ENOX1: variants seen among roughly 807,000 people sequenced by gnomAD.
ENOX1 encodes the protein ecto-NOX disulfide-thiol exchanger 1.
Under a neutral mutation model 82.5 loss-of-function variants are expected in ENOX1, and 42 were observed. That is an observed-to-expected ratio of 0.51 (90% CI 0.40 to 0.66). ENOX1 has a LOEUF of 0.66. Ranked by LOEUF, ENOX1 falls within the 30% of genes least tolerant of loss-of-function variation. The probability of loss-of-function intolerance (pLI) is 0.00; values close to 1 mark genes in which losing one functional copy is unlikely to be tolerated. For missense variants in ENOX1, 608 were observed against 811.6 expected (o/e 0.75, Z 3.05); for synonymous variants, 271 against 282.2 (o/e 0.96, Z 0.40).
intron 1 of ENOX1, among the ~76,000 whole-genome samples, chr13:43,734,710 T>C (rs779060399): frequency 6.6e-6 from 1 of 152,148 alleles, no homozygotes; most frequent in East Asian, 1.9e-4. Flanking sequence ...AATCACAGCA[T>C]GCACCACTAG....
intron 2 of ENOX1, among the ~76,000 whole-genome samples, chr13:43,542,017 G>A (rs1171445440): frequency 1.3e-5 from 2 of 152,180 alleles, no homozygotes; most frequent in African/African-American, 4.8e-5. Flanking sequence ...GGGGGTTCCA[G>A]AAAATCCCCT....
chr13:43,328,728 A>T (rs2048258214), intron 9 of ENOX1, among the ~76,000 whole-genome samples: 1 of 152,178 alleles, frequency 6.6e-6, no homozygotes, highest in South Asian at 2.1e-4. Flanking sequence ...CCTAATATCT[A>T]CTCAAGCCAT....
At chr13:43,384,738 T>G (rs1001818012) in intron 5 of ENOX1, among the ~76,000 whole-genome samples, 1 of 152,174 alleles carries the variant, frequency 6.6e-6, no homozygotes, top group African/African-American at 2.4e-5. Context: ...TTGAAACTAT[T>G]AAAAGAATAG....
chr13:43,766,398 G>T (rs955051691), intron 1 of ENOX1, among the ~76,000 whole-genome samples: 2 of 152,176 alleles, frequency 1.3e-5, no homozygotes, highest in South Asian at 4.1e-4. Flanking sequence ...GAGAGAGAAA[G>T]AATTATCTTA....
chr13:43,417,466 T>C (rs941512029), intron 3 of ENOX1, among the ~76,000 whole-genome samples: 2 of 152,232 alleles, frequency 1.3e-5, no homozygotes, highest in Non-Finnish European at 2.9e-5. Flanking sequence ...TACCAACTAG[T>C]AATTTATGAA....
At chr13:43,510,561 G>A (rs1420017323) in intron 2 of ENOX1, among the ~76,000 whole-genome samples, 1 of 152,034 alleles carries the variant, frequency 6.6e-6, no homozygotes, top group Non-Finnish European at 1.5e-5. Context: ...ATTCCTGTTG[G>A]GGCCCGCTCC....
intron 2 of ENOX1, among the ~76,000 whole-genome samples, chr13:43,510,566 C>T (rs923586565): frequency 2.6e-5 from 4 of 151,990 alleles, no homozygotes; most frequent in East Asian, 1.9e-4. Flanking sequence ...TGTTGGGGCC[C>T]GCTCCTAAAG....
chr13:43,456,707 T>C (rs56098302), intron 3 of ENOX1, among the ~76,000 whole-genome samples: 143 of 152,296 alleles, frequency 9.4e-4, no homozygotes, highest in Non-Finnish European at 1.7e-3. Context: ...TCTGATTCAA[T>C]GTAGCCTAAG....
rs1196892546 is a variant in ENOX1 at position 43,417,556 on chromosome 13, C to A, written c.-74-4568G>T. ...CCTGCCTCTTTAAATGATTCAAGAC[C>A]ATAATGCCTAATTTATCATTCACAT... On this transcript the variant is annotated intron_variant, in intron 3 of 16. Transcript: ENST00000690772. Among the ~76,000 whole-genome samples, 5 of 152,144 alleles carry A rather than the reference C, an allele frequency of 3.3e-5. No homozygotes were observed. In the East Asian group the frequency reaches 9.6e-4, roughly 29 times the overall value.
At chr13:43,215,847 T>G (rs1343007648) in intron 16 of ENOX1, among the ~76,000 whole-genome samples, 1 of 152,194 alleles carries the variant, frequency 6.6e-6, no homozygotes, top group Non-Finnish European at 1.5e-5. Context: ...GCCCACATAA[T>G]CTATTTTTAA....
chr13:43,333,004 A>G (rs777846037), intron 9 of ENOX1, among the ~76,000 whole-genome samples: 1 of 152,138 alleles, frequency 6.6e-6, no homozygotes, highest in Non-Finnish European at 1.5e-5. Context: ...AACAGTGTGT[A>G]TTTTTCTATG....
intron 10 of ENOX1, among the ~76,000 whole-genome samples, chr13:43,324,230 C>A (rs895078629): frequency 2.0e-5 from 3 of 152,036 alleles, no homozygotes; most frequent in African/African-American, 7.3e-5. Context: ...ACACTTGAAA[C>A]AAGGAAAAGT....
intron 3 of ENOX1, among the ~76,000 whole-genome samples, chr13:43,427,091 T>A (rs1437376746): frequency 6.6e-6 from 1 of 152,182 alleles, no homozygotes; most frequent in Non-Finnish European, 1.5e-5. Context: ...AATATCAATA[T>A]ACACTAGAGA....
At chr13:43,602,394 G>A (rs2081764595) in intron 2 of ENOX1, among the ~76,000 whole-genome samples, 1 of 151,922 alleles carries the variant, frequency 6.6e-6, no homozygotes, top group Non-Finnish European at 1.5e-5. Flanking sequence ...AAAATGGATG[G>A]CAAATATATG....
chr13:43,416,168 A>T (rs376505127), intron 3 of ENOX1, among the ~76,000 whole-genome samples: 1 of 71,426 alleles, frequency 1.4e-5, no homozygotes, highest in East Asian at 4.6e-4. Flanking sequence ...CAGATGGGGC[A>T]GCCGGACAGA....
At chr13:43,323,008 G>A (rs1192242802) in intron 10 of ENOX1, among the ~76,000 whole-genome samples, 1 of 152,198 alleles carries the variant, frequency 6.6e-6, no homozygotes, top group Non-Finnish European at 1.5e-5. Flanking sequence ...TTTTGAGGAT[G>A]AAATGAGTTA....
intron 2 of ENOX1, among the ~76,000 whole-genome samples, chr13:43,642,941 A>G (rs934212952): frequency 6.6e-6 from 1 of 152,232 alleles, no homozygotes; most frequent in Non-Finnish European, 1.5e-5. Context: ...ATGATCATAC[A>G]GTCCAATGTA....
At chr13:43,458,851 A>T (rs2057341261) in intron 3 of ENOX1, 1 of 152,162 alleles carries the variant, frequency 6.6e-6, no homozygotes. Context: ...TATTCAAGGT[A>T]TCTGTCCCAT....
chr13:43,225,770 T>G (rs1468558840), intron 15 of ENOX1, among the ~76,000 whole-genome samples: 2 of 152,182 alleles, frequency 1.3e-5, no homozygotes, highest in Non-Finnish European at 2.9e-5. Context: ...CCAAGACCTA[T>G]CCTCAGAATG....
Sources: allele counts gnomAD v4.1 joint callset (sites outside exome capture counted in the v4.1 genomes callset), GRCh38; gene constraint gnomAD v4.1.1; transcripts MANE v1.5; gene names NCBI Gene and HGNC (gene_info 2026-07-23, HGNC 2026-07-21).